The following STAT1 variants were observed in gnomAD, a reference collection of about 807,000 sequenced individuals.
The protein encoded by STAT1 is signal transducer and activator of transcription 1.
In STAT1, 24 loss-of-function variants were observed where a neutral mutation model predicts 111.7. The observed-to-expected ratio is 0.21, with a 90% CI of 0.16 to 0.30. The LOEUF (loss-of-function observed/expected upper bound fraction) is 0.30, where lower values mean the gene tolerates loss of function less well. Ranked by LOEUF, STAT1 falls within the 10% of genes least tolerant of loss-of-function variation. The pLI is 1.00. For synonymous variants in STAT1, 332 were observed against 326.5 expected (o/e 1.02, Z -0.18); for missense variants, 351 against 911.9 (o/e 0.38, Z 7.92).
rs114990242 is a variant in STAT1 at position 190,990,391 on chromosome 2, C to T, written c.1038-717G>A. On this transcript the variant is annotated intron_variant, in intron 11 of 24. Transcript: ENST00000361099. This position sits in a 1 kb window ranked among gnomAD's most constrained non-coding sequence, Gnocchi z 5.1. ...TCAGCAACACCCCAGAAAAAGGACC[C>T]GGGCCAACTATGAAGGCCAGTCCAG... 3.3e-3 allele frequency among the ~76,000 whole-genome samples: 496 copies of T among 152,278 alleles called. 5 individuals are homozygous for T. The highest frequency in any genetic ancestry group is 0.011 in the African/African-American group (470 of 41,548).
In STAT1 at chr2:190,993,414, T is replaced by A; in HGVS notation, c.944+1647A>T. On this transcript the variant is annotated intron_variant, in intron 10 of 24. Coordinates refer to ENST00000361099, the MANE Select transcript of STAT1 (RefSeq NM_007315.4). This position sits in a 1 kb window ranked among gnomAD's most constrained non-coding sequence, Gnocchi z 4.1. ...ATTGTTTTCCCGTCTAACTCTATAG[T>A]TCTTATTTTGAAATCCATACCAATT... The A allele has an allele frequency of 7.2e-7, 1 of 1,395,438 alleles. No homozygotes were observed. Among genetic ancestry groups the A allele is most frequent in the Non-Finnish European group, 1.0e-6 (1 of 1,000,820 alleles). The allele number at this position is 1,395,438 out of a possible 1,614,324, so 86.4% of individuals were successfully genotyped here.
intron 24 of STAT1, among the ~76,000 whole-genome samples, chr2:190,972,827 G>A (rs960712712): frequency 4.0e-5 from 6 of 149,296 alleles, no homozygotes; most frequent in Non-Finnish European, 7.5e-5. Context: ...GTGTGTGTGT[G>A]TGTGTGTGTG....
At chr2:190,972,587 C>G (rs1691575740) in intron 24 of STAT1, among the ~76,000 whole-genome samples, 1 of 152,298 alleles carries the variant, frequency 6.6e-6, no homozygotes, top group Middle Eastern at 3.4e-3. Flanking sequence ...AGTATACACT[C>G]TGATTCTAAG....
intron 2 of STAT1, among the ~76,000 whole-genome samples, chr2:191,011,061 T>G (rs1695077979): frequency 6.6e-6 from 1 of 152,104 alleles, no homozygotes; most frequent in Admixed American, 6.5e-5. Context: ...CATGGAAGAG[T>G]GTGTATGCAT....
At position 190,969,413 on chromosome 2, in the gene STAT1, G is replaced by A. The variant is rs1034344469; in HGVS notation, c.*1290C>T. On this transcript the variant is annotated 3_prime_UTR_variant, in exon 25 of 25. Transcript: ENST00000361099. ...TTTGCATGATAATATAGTTGTGGTA[G>A]CAGTAGTGGAAAAACAAGATACAGC... 3 of 152,156 alleles carry A rather than the reference G, an allele frequency of 2.0e-5. No individual in the cohort carries two copies. The highest frequency in any genetic ancestry group is 2.0e-4 in the Admixed American group (3 of 15,280). 9.4% of individuals were successfully genotyped at this position (152,156 alleles called of 1,614,324 possible).
chr2:190,996,380 T>A lies in STAT1; in HGVS notation c.786-1161A>T, dbSNP rs1431887840. On this transcript the variant is annotated intron_variant, in intron 9 of 24. Transcript: ENST00000361099. This position sits in a 1 kb window ranked among gnomAD's most constrained non-coding sequence, Gnocchi z 4.5. ...AAAGCCCTGGGACAGCAGCCCTTCG[T>A]CAGGAAAGGAGAAGGCAGGATAACG... Among the ~76,000 whole-genome samples the A allele has an allele frequency of 2.0e-5, 3 of 152,202 alleles. No homozygotes were observed. The highest frequency in any genetic ancestry group is 2.9e-5 in the Non-Finnish European group (2 of 68,038).
In STAT1 at chr2:191,004,462, G is replaced by A. The variant is rs1262775323; in HGVS notation, c.372+3101C>T. Among the ~76,000 whole-genome samples, 7 of 152,174 alleles carry A rather than the reference G, an allele frequency of 4.6e-5. No homozygotes were observed. Reference sequence around the variant, plus strand: ...GGAGTGAGCAGTTGTCCAAGTAAGGGAATAGGCACTCCATGGGTGTGAGAA... The same window carrying A: ...GGAGTGAGCAGTTGTCCAAGTAAGGAAATAGGCACTCCATGGGTGTGAGAA... On this transcript the variant is annotated intron_variant, in intron 5 of 24. Transcript: ENST00000361099. The surrounding 1 kb of genome is among the most constrained non-coding windows in gnomAD (Gnocchi z 5.0).
rs191296424 is a variant in STAT1 at position 190,998,534 on chromosome 2, C to T, written c.542-226G>A. ...AAAATTAGCCGGGCGCAGTGGCAGA[C>T]GCCTGTAGTCCCAGCTACTCGGGAG... On this transcript the variant is annotated intron_variant, in intron 7 of 24. Coordinates refer to ENST00000361099, the MANE Select transcript of STAT1 (RefSeq NM_007315.4). This position sits in a 1 kb window ranked among gnomAD's most constrained non-coding sequence, Gnocchi z 4.1. Among the ~76,000 whole-genome samples the T allele has an allele frequency of 3.3e-5, 5 of 152,102 alleles. No homozygotes were observed. The highest frequency in any genetic ancestry group is 2.6e-4 in the Admixed American group (4 of 15,286).
intron 3 of STAT1, 66 bp from the exon 4 acceptor site, chr2:191,009,173 A>C: frequency 6.4e-7 from 1 of 1,553,204 alleles, no homozygotes. Context: ...AGACAAAACA[A>C]ATGTTGGTTT....
Position 190,990,019 on chromosome 2 carries a change from A to G in STAT1, c.1038-345T>C, listed in dbSNP as rs534867901. 1.3e-5 allele frequency among the ~76,000 whole-genome samples: 2 copies of G among 152,234 alleles called. No individual in the cohort carries two copies. Among genetic ancestry groups the G allele is most frequent in the Non-Finnish European group, 2.9e-5 (2 of 68,038 alleles). ...CAATTTCGACCTTTGGCCAATTTAT[A>G]TGGGTAAAATAGCAAACATTACTTT... On this transcript the variant is annotated intron_variant, in intron 11 of 24. Coordinates refer to ENST00000361099, the MANE Select transcript of STAT1 (RefSeq NM_007315.4). This position sits in a 1 kb window ranked among gnomAD's most constrained non-coding sequence, Gnocchi z 5.1.
At position 190,995,344 on chromosome 2, in the gene STAT1, A is replaced by C. The variant is rs978224174; in HGVS notation, c.786-125T>G. The C allele has an allele frequency of 6.9e-6, 7 of 1,008,986 alleles. No individual in the cohort carries two copies. In the African/African-American group the frequency reaches 8.0e-5, roughly 11 times the overall value. The allele number at this position is 1,008,986 out of a possible 1,614,324, so 62.5% of individuals were successfully genotyped here. ...ATAAAGACATACTCGAGACTGGAGA[A>C]TTTATAAAGGAAAGAGGTTTAATTG... On this transcript the variant is annotated intron_variant, in intron 9 of 24. Transcript: ENST00000361099. The surrounding 1 kb of genome is among the most constrained non-coding windows in gnomAD (Gnocchi z 4.2).
At position 191,012,152 on chromosome 2, in the gene STAT1, C is replaced by T. The variant is rs1695182638; in HGVS notation, c.-2+1373G>A. On this transcript the variant is annotated intron_variant, in intron 2 of 24. Coordinates refer to ENST00000361099, the MANE Select transcript of STAT1 (RefSeq NM_007315.4). The surrounding 1 kb of genome is among the most constrained non-coding windows in gnomAD (Gnocchi z 4.0). Reference sequence around the variant, plus strand: ...GTTTGGGCTGGCCAGGTGGCTCACGCCTGTAATCCCAGCACTTTCGGAGGC... The same window carrying T: ...GTTTGGGCTGGCCAGGTGGCTCACGTCTGTAATCCCAGCACTTTCGGAGGC... Among the ~76,000 whole-genome samples the T allele has an allele frequency of 6.6e-6, 1 of 151,934 alleles. No homozygotes were observed. Among genetic ancestry groups the T allele is most frequent in the Non-Finnish European group, 1.5e-5 (1 of 67,982 alleles).
At position 190,993,638 on chromosome 2, in the gene STAT1, CG is replaced by C. The variant is rs2125055645; in HGVS notation, c.944+1422del. 6 of 553,780 alleles carry C rather than the reference CG, an allele frequency of 1.1e-5. No individual in the cohort carries two copies. The East Asian group carries it at 2.4e-4, about 22-fold the overall frequency. The allele number at this position is 553,780 out of a possible 1,614,324, so 34.3% of individuals were successfully genotyped here. A position where few individuals can be genotyped will look rare whatever the true frequency, so the allele number is the denominator to read the frequency against. On this transcript the variant is annotated intron_variant, in intron 10 of 24. Transcript: ENST00000361099. This position sits in a 1 kb window ranked among gnomAD's most constrained non-coding sequence, Gnocchi z 4.1. ...GCTGCTGCCCTGACTCTCTGCACCA[CG>C]GGTAACTGAAGGAAAGGAATGAGAT...
At position 190,980,249 on chromosome 2, in the gene STAT1, T is replaced by C. The variant is rs934129995; in HGVS notation, c.1632+371A>G. On this transcript the variant is annotated intron_variant, in intron 19 of 24. Transcript: ENST00000361099. The surrounding 1 kb of genome is among the most constrained non-coding windows in gnomAD (Gnocchi z 6.1). The stretch of plus-strand genomic sequence containing the variant: ...AGCAGAATCTAAATGTTCCCCGCAG[T>C]GGGCCCCTCTGCTCGAGCAGGCCGT... 2.0e-5 allele frequency among the ~76,000 whole-genome samples: 3 copies of C among 152,264 alleles called. No individual in the cohort carries two copies. Among genetic ancestry groups the C allele is most frequent in the South Asian group, 4.1e-4 (2 of 4,836 alleles).
rs974107186 is a variant in STAT1 at position 190,993,108 on chromosome 2, T to C, written c.945-1788A>G. 3.0e-5 allele frequency: 12 copies of C among 406,240 alleles called. No individual in the cohort carries two copies. Among genetic ancestry groups the C allele is most frequent in the Non-Finnish European group, 5.2e-5 (11 of 213,268 alleles). The allele number at this position is 406,240 out of a possible 1,614,324, so 25.2% of individuals were successfully genotyped here. On this transcript the variant is annotated intron_variant, in intron 10 of 24. Coordinates refer to ENST00000361099, the MANE Select transcript of STAT1 (RefSeq NM_007315.4). This position sits in a 1 kb window ranked among gnomAD's most constrained non-coding sequence, Gnocchi z 4.1. ...CCGGGCCTTGTTGCATTCCTAGCAC[T>C]AGTTTCCAAAAACAGAATTCCAAGG...
rs1694006655 is a variant in STAT1 at position 190,998,392 on chromosome 2, T to C, written c.542-84A>G. ...GATTCATATAAATTTAGGATAAATA[T>C]GACACAAATGCTGCCTAGTGACAGG... On this transcript the variant is annotated intron_variant, in intron 7 of 24. Transcript: ENST00000361099. The surrounding 1 kb of genome is among the most constrained non-coding windows in gnomAD (Gnocchi z 4.1). 1.8e-6 allele frequency: 2 copies of C among 1,122,520 alleles called. No homozygotes were observed. The highest frequency in any genetic ancestry group is 1.7e-5 in the Admixed American group (1 of 58,844). The allele number at this position is 1,122,520 out of a possible 1,614,324, so 69.5% of individuals were successfully genotyped here. A position where few individuals can be genotyped will look rare whatever the true frequency, so the allele number is the denominator to read the frequency against.
Position 190,980,036 on chromosome 2 carries a change from G to A in STAT1, c.1633-170C>T, listed in dbSNP as rs537284944. Among the ~76,000 whole-genome samples the A allele has an allele frequency of 6.6e-6, 1 of 152,224 alleles. No homozygotes were observed. The highest frequency in any genetic ancestry group is 2.4e-5 in the African/African-American group (1 of 41,538). ...GCAGGGAATATCAAGTTCCCTCCCC[G>A]CTCTTATCAGCATTCAGACCAGGAG... is the stretch of plus-strand genomic sequence containing the variant. On this transcript the variant is annotated intron_variant, in intron 19 of 24. Coordinates refer to ENST00000361099, the MANE Select transcript of STAT1 (RefSeq NM_007315.4). The surrounding 1 kb of genome is among the most constrained non-coding windows in gnomAD (Gnocchi z 6.1).
Position 190,993,093 on chromosome 2 carries a change from T to C in STAT1, c.945-1773A>G, listed in dbSNP as rs1018242231. ...GCATGAGCCACCGTGCCGGGCCTTGTTGCATTCCTAGCACTAGTTTCCAAA... is the reference window on the plus strand; with the variant it reads ...GCATGAGCCACCGTGCCGGGCCTTGCTGCATTCCTAGCACTAGTTTCCAAA... On this transcript the variant is annotated intron_variant, in intron 10 of 24. Coordinates refer to ENST00000361099, the MANE Select transcript of STAT1 (RefSeq NM_007315.4). This position sits in a 1 kb window ranked among gnomAD's most constrained non-coding sequence, Gnocchi z 4.1. The C allele has an allele frequency of 7.7e-6, 3 of 387,916 alleles. No homozygotes were observed. Among genetic ancestry groups the C allele is most frequent in the Admixed American group, 3.8e-5 (1 of 26,006 alleles). The allele number at this position is 387,916 out of a possible 1,614,324, so 24.0% of individuals were successfully genotyped here.
Position 190,980,301 on chromosome 2 carries a change from G to A in STAT1, c.1632+319C>T, listed in dbSNP as rs769902221. Among the ~76,000 whole-genome samples the A allele has an allele frequency of 1.4e-4, 21 of 152,224 alleles. No individual in the cohort carries two copies. Among genetic ancestry groups the A allele is most frequent in the Non-Finnish European group, 2.8e-4 (19 of 68,036 alleles). ...AAACTCGTCTGGCTGGTCAGGCTGC[G>A]CCACCCAGCCCACAACATACATTTC... On this transcript the variant is annotated intron_variant, in intron 19 of 24. Coordinates refer to ENST00000361099, the MANE Select transcript of STAT1 (RefSeq NM_007315.4). This position sits in a 1 kb window ranked among gnomAD's most constrained non-coding sequence, Gnocchi z 6.1.
Sources: allele counts gnomAD v4.1 joint callset (sites outside exome capture counted in the v4.1 genomes callset), GRCh38; gene constraint gnomAD v4.1.1; non-coding constraint Gnocchi (gnomAD v3.1); transcripts MANE v1.5; gene names NCBI Gene and HGNC (gene_info 2026-07-23, HGNC 2026-07-21).